GALNT2: variants seen among roughly 807,000 people sequenced by gnomAD.
GALNT2 encodes the protein UDP-GalNAc:polypeptide N-acetylgalactosaminyltransferase 2.
In GALNT2, 31 loss-of-function variants were observed where a neutral mutation model predicts 81.4. The observed-to-expected ratio is 0.38, with a 90% CI of 0.29 to 0.51. GALNT2 has a LOEUF of 0.51. GALNT2 is among the 20% of genes least tolerant of loss of function. The pLI, the probability that GALNT2 is intolerant of heterozygous loss-of-function variation, is 0.87. For missense variants in GALNT2, 629 were observed against 765.7 expected, an observed-to-expected ratio of 0.82 and a Z score of 2.11; for synonymous variants, 303 against 287.4, an observed-to-expected ratio of 1.05 and a Z score of -0.55.
At chr1:230,159,944 G>A (rs4846914) in intron 1 of GALNT2, among the ~76,000 whole-genome samples, 68,034 of 152,022 alleles carry the variant, frequency 0.45, 18,286 homozygotes, top group Non-Finnish European at 0.6. Context: ...GGACTGCCAA[G>A]AGTTGCCAAG....
At chr1:230,157,654 A>T (rs993205987) in intron 1 of GALNT2, among the ~76,000 whole-genome samples, 11 of 152,228 alleles carry the variant, frequency 7.2e-5, no homozygotes, top group African/African-American at 2.7e-4. Context: ...TACCTCCTGC[A>T]GTGGAAAGGA....
chr1:230,130,574 C>T (rs1255453249), intron 1 of GALNT2, among the ~76,000 whole-genome samples: 1 of 152,156 alleles, frequency 6.6e-6, no homozygotes, highest in African/African-American at 2.4e-5. Flanking sequence ...CACGTGGTAT[C>T]AGGAACACCG....
chr1:230,211,013 G>A (rs1160080000), intron 3 of GALNT2, among the ~76,000 whole-genome samples: 2 of 152,210 alleles, frequency 1.3e-5, no homozygotes, highest in African/African-American at 4.8e-5. Flanking sequence ...GGGACTCAGA[G>A]TTTTCTTTTT....
chr1:230,264,432 T>C (rs1665971055), intron 13 of GALNT2: 1 of 152,206 alleles, frequency 6.6e-6, no homozygotes, highest in Non-Finnish European at 1.5e-5. Flanking sequence ...AGGTCACCCA[T>C]GGTTTGTAGT....
At chr1:230,104,407 G>A (rs994792679) in intron 1 of GALNT2, among the ~76,000 whole-genome samples, 18 of 152,142 alleles carry the variant, frequency 1.2e-4, no homozygotes, top group African/African-American at 3.9e-4. Flanking sequence ...AAAGAGAGGC[G>A]GCTGTATTTT....
intron 1 of GALNT2, among the ~76,000 whole-genome samples, chr1:230,115,922 T>G (rs1432894244): frequency 6.6e-6 from 1 of 152,252 alleles, no homozygotes; most frequent in Non-Finnish European, 1.5e-5. Context: ...CATGTCTTTT[T>G]CCAGGTTCTA....
intron 1 of GALNT2, among the ~76,000 whole-genome samples, chr1:230,160,338 C>T (rs1662391514): frequency 6.6e-6 from 1 of 152,178 alleles, no homozygotes; most frequent in African/African-American, 2.4e-5. Context: ...TTAGGAAGGG[C>T]GTTGGACGTG....
intron 10 of GALNT2, among the ~76,000 whole-genome samples, chr1:230,250,892 A>C (rs72647706): frequency 0.02 from 3,027 of 152,316 alleles, 60 homozygotes; most frequent in South Asian, 0.1. Flanking sequence ...GCTCAGATTC[A>C]TGCTGAGTGG....
chr1:230,269,723 C>T (rs943397729), intron 14 of GALNT2, among the ~76,000 whole-genome samples: 14 of 148,676 alleles, frequency 9.4e-5, no homozygotes, highest in Non-Finnish European at 1.8e-4. Flanking sequence ...AGGGAAGCTC[C>T]GTCTTTACAA....
At chr1:230,245,914 G>T in intron 7 of GALNT2, 149 bp from the exon 8 acceptor site, 1 of 654,942 alleles carries the variant, frequency 1.5e-6, no homozygotes, top group Non-Finnish European at 2.8e-6. Flanking sequence ...GTCTGGGTGG[G>T]GAGGCTGGGT....
upstream of GALNT2, among the ~76,000 whole-genome samples, chr1:230,062,629 G>A (rs866620018): frequency 6.6e-5 from 10 of 152,182 alleles, no homozygotes; most frequent in Middle Eastern, 0.01. Context: ...TTTGTGTCTC[G>A]CTCATTTCAT....
intron 2 of GALNT2, among the ~76,000 whole-genome samples, chr1:230,189,520 G>A (rs1663448325): frequency 6.6e-6 from 1 of 152,226 alleles, no homozygotes; most frequent in Non-Finnish European, 1.5e-5. Context: ...CCGGAAGAAA[G>A]ATGAGATAAA....
At chr1:230,114,929 G>A (rs4846832) in intron 1 of GALNT2, among the ~76,000 whole-genome samples, 63,867 of 151,090 alleles carry the variant, frequency 0.42, 13,471 homozygotes, top group South Asian at 0.53. Flanking sequence ...GTTTCCCTTC[G>A]CAAGAGTTAT....
intron 1 of GALNT2, among the ~76,000 whole-genome samples, chr1:230,132,107 C>G (rs1030812182): frequency 9.2e-5 from 14 of 152,244 alleles, no homozygotes; most frequent in African/African-American, 3.4e-4. Flanking sequence ...CCCATGCTAG[C>G]CTTCCCTTAA....
intron 3 of GALNT2, among the ~76,000 whole-genome samples, chr1:230,203,875 A>G (rs1663981742): frequency 6.6e-6 from 1 of 152,166 alleles, no homozygotes; most frequent in Non-Finnish European, 1.5e-5. Context: ...CCCAGGTTGG[A>G]ATGCAGTGGT....
chr1:230,186,640 G>A (rs1193507709), intron 2 of GALNT2, among the ~76,000 whole-genome samples: 1 of 152,206 alleles, frequency 6.6e-6, no homozygotes, highest in Non-Finnish European at 1.5e-5. Flanking sequence ...GCCATCTTCA[G>A]GTCATAGGCT....
intron 1 of GALNT2, among the ~76,000 whole-genome samples, chr1:230,091,307 C>A (rs956134423): frequency 1.3e-5 from 2 of 151,840 alleles, no homozygotes; most frequent in African/African-American, 4.8e-5. Context: ...ATCTCCTGAC[C>A]TTGTGATACG....
chr1:230,182,776 C>G (rs1663201570), intron 2 of GALNT2, among the ~76,000 whole-genome samples: 1 of 152,186 alleles, frequency 6.6e-6, no homozygotes, highest in Non-Finnish European at 1.5e-5. Context: ...GAGTTCAACT[C>G]TGTCCTTATT....
At position 230,243,416 on chromosome 1, in the gene GALNT2, AG is replaced by A; in HGVS notation, c.721del (p.Val241TrpfsTer30). 6.2e-7 allele frequency: 1 copy of A among 1,611,546 alleles called. No homozygotes were observed. Among genetic ancestry groups the A allele is most frequent in the South Asian group, 1.1e-5 (1 of 90,960 alleles). On this transcript the variant is annotated frameshift_variant, in exon 7 of 16. Coordinates refer to ENST00000366672, the MANE Select transcript of GALNT2 (RefSeq NM_004481.5). LOFTEE classifies it high-confidence loss of function. This position sits in a 1 kb window ranked among gnomAD's most constrained non-coding sequence, Gnocchi z 4.2. ...NEHWLEPLLE[R>X]VAEDRTRVVS... ...GCACTGGCTGGAGCCCCTCCTGGAA[AG>A]GGTGGCGGAGGTGAGATGACGGGGG...
Sources: gnomAD v4.1 joint callset for allele counts (sites outside exome capture counted in the v4.1 genomes callset) on GRCh38, gnomAD v4.1.1 for gene constraint, Gnocchi (gnomAD v3.1) non-coding constraint, MANE v1.5 for transcripts, NCBI Gene and HGNC (gene_info 2026-07-23, HGNC 2026-07-21) for gene names.